COL21A1: variants seen among roughly 807,000 people sequenced by gnomAD.
COL21A1 encodes the protein collagen type XXI alpha 1 chain.
A neutral mutation model predicts 137.9 loss-of-function variants in COL21A1; 149 were observed. The ratio of observed to expected loss-of-function variants is 1.08; its 90% CI spans 0.95 to 1.24. The LOEUF is 1.24. Ranked by LOEUF, COL21A1 falls within the 50% of genes most tolerant of loss-of-function variation. COL21A1 has a pLI of 0.00. For missense variants in COL21A1, 1,167 were observed against 1,158.4 expected (o/e 1.01, Z -0.11); for synonymous variants, 456 against 391.5 (o/e 1.16, Z -1.95).
At chr6:56,112,051 T>C (rs1771475066) in intron 16 of COL21A1, among the ~76,000 whole-genome samples, 1 of 152,102 alleles carries the variant, frequency 6.6e-6, no homozygotes, top group Admixed American at 6.5e-5. Flanking sequence ...ATTTTAAAGC[T>C]ATAATAATTA....
At chr6:56,228,271 A>C (rs998686770) in intron 1 of COL21A1, among the ~76,000 whole-genome samples, 10 of 151,902 alleles carry the variant, frequency 6.6e-5, no homozygotes, top group African/African-American at 2.4e-4. Context: ...AGGAAGATGG[A>C]AAGTTTATGG....
chr6:56,209,574 A>G (rs1561986763), intron 1 of COL21A1, among the ~76,000 whole-genome samples: 1 of 152,178 alleles, frequency 6.6e-6, no homozygotes, highest in Non-Finnish European at 1.5e-5. Context: ...CAAAACCACA[A>G]TGAGATACCA....
At chr6:56,186,469 T>A (rs1296397189) in intron 1 of COL21A1, among the ~76,000 whole-genome samples, 1 of 152,194 alleles carries the variant, frequency 6.6e-6, no homozygotes, top group Non-Finnish European at 1.5e-5. Context: ...TCATACCATT[T>A]CTATTCAAAA....
intron 12 of COL21A1, among the ~76,000 whole-genome samples, chr6:56,139,557 G>T (rs536295662): frequency 1.1e-4 from 17 of 152,110 alleles, no homozygotes; most frequent in Non-Finnish European, 2.1e-4. Context: ...CACATGGGTA[G>T]ACTCTCTCCC....
intron 7 of COL21A1, among the ~76,000 whole-genome samples, chr6:56,165,561 TAAAAGA>T (rs940256452): frequency 5.3e-4 from 81 of 152,368 alleles, no homozygotes; most frequent in African/African-American, 1.9e-3. Context: ...TTAACACTTT[TAAAAGA>T]GATTTATCTT....
At chr6:56,281,075 A>G (rs1763777178) in intron 1 of COL21A1, among the ~76,000 whole-genome samples, 2 of 152,156 alleles carry the variant, frequency 1.3e-5, no homozygotes, top group Non-Finnish European at 2.9e-5. Flanking sequence ...ATCCTACTAC[A>G]CCACACTTTC....
In COL21A1 at chr6:56,156,961, GCAAA is replaced by G. The variant is rs1775790747; in HGVS notation, c.1372-16_1372-13del. 1.9e-6 allele frequency: 3 copies of G among 1,605,802 alleles called. No homozygotes were observed. Among genetic ancestry groups the G allele is most frequent in the Non-Finnish European group, 2.6e-6 (3 of 1,175,740 alleles). On this transcript the variant is annotated splice_polypyrimidine_tract_variant and intron_variant, in intron 9 of 29. Transcript: ENST00000244728. ...AGTCCAGGGTCACCCTAAGCAGGAAGCAAACAAACTTTTGAGTACAAAACAACCA... is the reference window on the plus strand; with the variant it reads ...AGTCCAGGGTCACCCTAAGCAGGAAGCAAACTTTTGAGTACAAAACAACCA...
At chr6:56,185,556 C>T (rs1011832383) in intron 1 of COL21A1, among the ~76,000 whole-genome samples, 1 of 150,548 alleles carries the variant, frequency 6.6e-6, no homozygotes, top group Non-Finnish European at 1.5e-5. Context: ...CTGCCTCAGC[C>T]TCCCGAGTAG....
At chr6:56,084,559 T>C (rs985543376) in intron 17 of COL21A1, among the ~76,000 whole-genome samples, 1 of 151,982 alleles carries the variant, frequency 6.6e-6, no homozygotes, top group African/African-American at 2.4e-5. Context: ...TAAATAAATA[T>C]ATGTAAGAAG....
intron 1 of COL21A1, among the ~76,000 whole-genome samples, chr6:56,263,618 TA>T (rs1763332996): frequency 6.6e-6 from 1 of 152,236 alleles, no homozygotes; most frequent in African/African-American, 2.4e-5. Flanking sequence ...TCAGGGAAGC[TA>T]AGCGCATGTC....
intron 1 of COL21A1, chr6:56,276,768 T>C (rs1763668105): frequency 8.2e-7 from 1 of 1,218,936 alleles, no homozygotes; most frequent in Admixed American, 1.7e-5. Flanking sequence ...CTCTACTTTA[T>C]TTGCTAATTC....
At chr6:56,380,254 CTA>C (rs2094006626) in intron 1 of COL21A1, among the ~76,000 whole-genome samples, 1 of 152,032 alleles carries the variant, frequency 6.6e-6, no homozygotes, top group African/African-American at 2.4e-5. Flanking sequence ...TTAGGCCTCA[CTA>C]GAAACTGAGC....
At chr6:56,189,899 C>T (rs1778546715) in intron 1 of COL21A1, among the ~76,000 whole-genome samples, 1 of 152,100 alleles carries the variant, frequency 6.6e-6, no homozygotes, top group South Asian at 2.1e-4. Context: ...AAATAAAATC[C>T]TTTAGAGACA....
intron 1 of COL21A1, among the ~76,000 whole-genome samples, chr6:56,196,366 C>T (rs1779025411): frequency 1.3e-5 from 2 of 151,984 alleles, no homozygotes; most frequent in South Asian, 2.1e-4. Context: ...AAGTCCTAGC[C>T]AAACCAATCA....
intron 1 of COL21A1, among the ~76,000 whole-genome samples, chr6:56,211,251 A>ACATATATATGTATATGTATAT (rs1353781229): frequency 7.0e-6 from 1 of 143,240 alleles, no homozygotes; most frequent in Non-Finnish European, 1.5e-5. Flanking sequence ...ATGTATATAT[A>ACATATATATGTATATGTATAT]ATGAAAGGAT....
Position 56,057,841 on chromosome 6 carries a change from G to T in COL21A1, c.2690C>A (p.Pro897Gln). 2.6e-6 allele frequency: 4 copies of T among 1,541,874 alleles called. No individual in the cohort carries two copies. The highest frequency in any genetic ancestry group is 3.5e-6 in the Non-Finnish European group (4 of 1,150,682). ...GEQGPPGPPGPEGPPGISKEG... is the reference protein window; with the variant it reads ...GEQGPPGPPGQEGPPGISKEG... ...TTTGCTTATTCCAGGAGGGCCCTCT[G>T]GACCTAAGATGGGACATTGGCAAGA... Residue 897 changes from proline to glutamine, a missense_variant, in exon 30 of 30, where the codon CCA becomes CAA. By Grantham distance (76) the Pro-to-Gln change is moderately conservative. Transcript: ENST00000244728.
chr6:56,057,804 T>C lies in COL21A1; in HGVS notation c.2727A>G (p.Pro909=), dbSNP rs1421483134. 3.8e-6 allele frequency: 6 copies of C among 1,594,668 alleles called. No individual in the cohort carries two copies. The Admixed American group carries it at 1.1e-4, about 28-fold the overall frequency. The part of the protein sequence containing the change: ...GPPGISKEGP[P]GDPGLPGKDG... Reference sequence around the variant, plus strand: ...CTTTGCCAGGGAGACCTGGGTCTCCTGGAGGACCTTCTTTGCTTATTCCAG... The same window carrying C: ...CTTTGCCAGGGAGACCTGGGTCTCCCGGAGGACCTTCTTTGCTTATTCCAG... Residue 909 remains proline (P), a synonymous_variant, in exon 30 of 30, where the codon CCA becomes CCG. Coordinates refer to ENST00000244728, the MANE Select transcript of COL21A1 (RefSeq NM_030820.4).
At chr6:56,065,347 A>C (rs1766149719) in intron 23 of COL21A1, among the ~76,000 whole-genome samples, 1 of 152,062 alleles carries the variant, frequency 6.6e-6, no homozygotes, top group South Asian at 2.1e-4. Context: ...CAATTTAATT[A>C]AGTGAATTGC....
rs1174184251 is a variant in COL21A1 at position 56,182,524 on chromosome 6, T to C, written c.88+7A>G. ...TAACAAAAAAGGACAATGCTGATAG[T>C]TCTTACTTGATCTTACTTCCCCATC... is the stretch of plus-strand genomic sequence containing the variant. On this transcript the variant is annotated splice_region_variant and intron_variant, in intron 2 of 29. Transcript: ENST00000244728. 2.5e-6 allele frequency: 4 copies of C among 1,569,894 alleles called. No individual in the cohort carries two copies. Among genetic ancestry groups the C allele is most frequent in the Non-Finnish European group, 3.5e-6 (4 of 1,147,512 alleles).
Sources: gnomAD v4.1 joint callset for allele counts (sites outside exome capture counted in the v4.1 genomes callset) on GRCh38, gnomAD v4.1.1 for gene constraint, MANE v1.5 for transcripts, NCBI Gene and HGNC (gene_info 2026-07-23, HGNC 2026-07-21) for gene names.